SYN2: variants seen among roughly 807,000 people sequenced by gnomAD.
SYN2 encodes synapsin-2.
Under a neutral mutation model 50.9 loss-of-function variants are expected in SYN2, and 19 were observed. The observed-to-expected ratio is 0.37, with a 90% CI of 0.26 to 0.55. The LOEUF is 0.55. Ranked by LOEUF, SYN2 falls within the 20% of genes least tolerant of loss-of-function variation. The pLI, the probability that SYN2 is intolerant of heterozygous loss-of-function variation, is 0.81. For synonymous variants in SYN2, 255 were observed against 224.9 expected (o/e 1.13, Z -1.20); for missense variants, 587 against 576.4 (o/e 1.02, Z -0.19).
Position 12,167,326 on chromosome 3 carries a change from G to C in SYN2, c.1055+18G>C, listed in dbSNP as rs1697827598. 3.7e-6 allele frequency: 6 copies of C among 1,606,912 alleles called. No homozygotes were observed. Among genetic ancestry groups the C allele is most frequent in the Non-Finnish European group, 5.1e-6 (6 of 1,176,660 alleles). The stretch of plus-strand genomic sequence containing the variant: ...TCAGACAGGTGAGTTGAGAGAAGGA[G>C]TCCAGTTTCCAGCCCAGTGAGAGGG... On this transcript the variant is annotated intron_variant, in intron 8 of 12. Coordinates refer to ENST00000621198, the MANE Select transcript of SYN2 (RefSeq NM_133625.6).
intron 1 of SYN2, among the ~76,000 whole-genome samples, chr3:12,060,421 T>C (rs1021824180): frequency 6.6e-6 from 1 of 152,066 alleles, no homozygotes; most frequent in African/African-American, 2.4e-5. Flanking sequence ...TTTCTCTGAC[T>C]CCAGCCCCCT....
At chr3:12,099,463 G>C (rs567662579) in intron 1 of SYN2, among the ~76,000 whole-genome samples, 1 of 152,210 alleles carries the variant, frequency 6.6e-6, no homozygotes, top group South Asian at 2.1e-4. Context: ...CACAACCAAT[G>C]AGTCAAAGCA....
chr3:12,110,804 G>A (rs1027366175), intron 1 of SYN2, among the ~76,000 whole-genome samples: 22 of 152,148 alleles, frequency 1.4e-4, no homozygotes, highest in Admixed American at 8.5e-4. Context: ...CCTTTGTTTT[G>A]GCCAATTTCT....
At chr3:12,016,855 A>C (rs143810884) in intron 1 of SYN2, among the ~76,000 whole-genome samples, 1 of 152,232 alleles carries the variant, frequency 6.6e-6, no homozygotes, top group Admixed American at 6.5e-5. Context: ...CCATCTCAAC[A>C]ACAACAACAA....
chr3:12,077,717 T>C (rs1194980452), intron 1 of SYN2, among the ~76,000 whole-genome samples: 1 of 152,212 alleles, frequency 6.6e-6, no homozygotes, highest in Admixed American at 6.5e-5. Context: ...ATCTGGTCTA[T>C]CCTTGATGGG....
intron 1 of SYN2, among the ~76,000 whole-genome samples, chr3:12,052,587 A>G (rs1307241956): frequency 6.6e-6 from 1 of 152,178 alleles, no homozygotes; most frequent in African/African-American, 2.4e-5. Flanking sequence ...AGAATGTGGC[A>G]CCATTGTAGA....
intron 9 of SYN2, among the ~76,000 whole-genome samples, chr3:12,169,162 A>G (rs563341058): frequency 4.6e-5 from 7 of 152,152 alleles, no homozygotes; most frequent in Non-Finnish European, 1.0e-4. Flanking sequence ...CTGTTTTCTC[A>G]TCCATAATTG....
intron 1 of SYN2, among the ~76,000 whole-genome samples, chr3:12,046,158 G>A (rs1480992715): frequency 2.0e-5 from 3 of 152,148 alleles, no homozygotes; most frequent in Non-Finnish European, 4.4e-5. Context: ...TGGTTTAGTT[G>A]TTCAGTCAAC....
chr3:12,057,769 A>G (rs1268936769), intron 1 of SYN2, among the ~76,000 whole-genome samples: 1 of 152,224 alleles, frequency 6.6e-6, no homozygotes, highest in Non-Finnish European at 1.5e-5. Flanking sequence ...CTATGAGACA[A>G]TCAGGGAAGA....
intron 1 of SYN2, among the ~76,000 whole-genome samples, chr3:12,129,294 A>G (rs1251406621): frequency 6.6e-6 from 1 of 152,220 alleles, no homozygotes; most frequent in Non-Finnish European, 1.5e-5. Context: ...ACAAAAGCCC[A>G]AGAGGACAGA....
intron 1 of SYN2, among the ~76,000 whole-genome samples, chr3:12,061,821 A>C (rs983409584): frequency 5.3e-5 from 8 of 152,100 alleles, no homozygotes. Context: ...AAATCTAACA[A>C]AATAAATTCA....
At chr3:12,009,298 A>G (rs1693868106) in intron 1 of SYN2, among the ~76,000 whole-genome samples, 1 of 151,624 alleles carries the variant, frequency 6.6e-6, no homozygotes, top group Non-Finnish European at 1.5e-5. Context: ...TGGCAGAACC[A>G]GAACTAGAAT....
chr3:12,168,840 C>A (rs1697870723), intron 9 of SYN2, among the ~76,000 whole-genome samples: 1 of 73,626 alleles, frequency 1.4e-5, no homozygotes, highest in African/African-American at 5.4e-5. Context: ...CTCAGCTGGG[C>A]ACCAGATGCA....
At chr3:12,146,744 G>A (rs1697158570) in intron 4 of SYN2, among the ~76,000 whole-genome samples, 1 of 152,104 alleles carries the variant, frequency 6.6e-6, no homozygotes, top group Non-Finnish European at 1.5e-5. Flanking sequence ...TAGAAAAAGT[G>A]GGGCTAGGAG....
chr3:12,014,842 C>A (rs180802019), intron 1 of SYN2, among the ~76,000 whole-genome samples: 57 of 152,290 alleles, frequency 3.7e-4, no homozygotes, highest in African/African-American at 1.3e-3. Flanking sequence ...GGTTTAACTT[C>A]CCCATTCTAA....
chr3:12,149,898 T>C (rs1697237498), intron 4 of SYN2, among the ~76,000 whole-genome samples: 1 of 152,218 alleles, frequency 6.6e-6, no homozygotes, highest in African/African-American at 2.4e-5. Flanking sequence ...TTCTTTATGG[T>C]ACAAAGTTTG....
At chr3:12,171,392 C>G (rs1419561593) in intron 10 of SYN2, among the ~76,000 whole-genome samples, 2 of 151,994 alleles carry the variant, frequency 1.3e-5, no homozygotes, top group East Asian at 3.8e-4. Context: ...AATCTGTGAA[C>G]CAGGTTACTG....
chr3:12,083,737 T>G lies in SYN2; in HGVS notation c.378-56914T>G, dbSNP rs569785739. On this transcript the variant is annotated intron_variant, in intron 1 of 12. Transcript: ENST00000621198. ...ATCTGTTCTACCTAGTGGTCTCTGG[T>G]GAGAATGATGGAGCCTAACCATCTG... Among the ~76,000 whole-genome samples the G allele has an allele frequency of 2.6e-4, 40 of 152,328 alleles. No homozygotes were observed. In the South Asian group the frequency reaches 8.1e-3, roughly 31 times the overall value.
intron 1 of SYN2, among the ~76,000 whole-genome samples, chr3:12,038,683 T>C (rs916133003): frequency 1.3e-5 from 2 of 152,168 alleles, no homozygotes; most frequent in African/African-American, 2.4e-5. Context: ...TAAATTGAAT[T>C]GGTCCCTTTA....
Sources: allele counts gnomAD v4.1 joint callset (sites outside exome capture counted in the v4.1 genomes callset), GRCh38; gene constraint gnomAD v4.1.1; transcripts MANE v1.5; gene names NCBI Gene and HGNC (gene_info 2026-07-23, HGNC 2026-07-21).